KRIT1: variants seen among roughly 807,000 people sequenced by gnomAD.
KRIT1 encodes krev interaction trapped protein 1.
A neutral mutation model predicts 95.8 loss-of-function variants in KRIT1; 45 were observed. That is an observed-to-expected ratio of 0.47 (90% CI 0.37 to 0.60). The LOEUF (loss-of-function observed/expected upper bound fraction) is 0.60. Among genes scored for constraint, KRIT1 ranks in the 20% least tolerant of loss-of-function variants. The pLI is 0.00. For synonymous variants in KRIT1, 282 were observed against 278.8 expected, an observed-to-expected ratio of 1.01 and a Z score of -0.11; for missense variants, 788 against 877.5, an observed-to-expected ratio of 0.90 and a Z score of 1.29.
At chr7:92,243,310 G>C (rs1280086609) in intron 3 of KRIT1, among the ~76,000 whole-genome samples, 1 of 152,136 alleles carries the variant, frequency 6.6e-6, no homozygotes, top group Non-Finnish European at 1.5e-5. Flanking sequence ...CTACACTAAA[G>C]TGCATCTTTC....
rs1796241366 is a variant in KRIT1 at position 92,226,529 on chromosome 7, A to G, written c.1143T>C (p.Asp381=). 1.2e-6 allele frequency: 2 copies of G among 1,608,870 alleles called. No individual in the cohort carries two copies. Among genetic ancestry groups the G allele is most frequent in the Non-Finnish European group, 1.7e-6 (2 of 1,175,568 alleles). ...VQILLNHPET[D]RHITDQQGRS... ...AAAAACCTGGAAAATAACTTACTCT[A>G]TCCGTTTCTGGGTGGTTTAGGAGAA... The change falls in exon 11 of 19, where the codon GAT becomes GAC. Residue 381 remains aspartate (D), a synonymous_variant. Transcript: ENST00000394505.
chr7:92,217,326 CATTA>C (rs984607220), intron 14 of KRIT1, among the ~76,000 whole-genome samples: 2 of 152,268 alleles, frequency 1.3e-5, no homozygotes, highest in East Asian at 1.9e-4. Flanking sequence ...AATTCAGTGG[CATTA>C]ATTATGTTCA....
chr7:92,233,161 T>TACACACAC (rs139965359), intron 10 of KRIT1, among the ~76,000 whole-genome samples: 37 of 149,366 alleles, frequency 2.5e-4, no homozygotes, highest in Non-Finnish European at 4.9e-4. Context: ...GATCTTTTTA[T>TACACACAC]ACACACACAC....
rs2131318110 is a variant in KRIT1, at chr7:92,214,052, C to T, written c.1731-73G>A. ...CTAAAGTATAGTAATCATTCTGTTA[C>T]AAATGGCTTTCAGTAACGTAATTTT... On this transcript the variant is annotated intron_variant, in intron 15 of 18. Transcript: ENST00000394505. The T allele has an allele frequency of 3.2e-6, 3 of 926,220 alleles. No individual in the cohort carries two copies. In the East Asian group the frequency reaches 7.2e-5, roughly 22 times the overall value. 57.4% of individuals were successfully genotyped at this position (926,220 alleles called of 1,614,324 possible).
At chr7:92,223,477 C>A (rs1795586204) in intron 12 of KRIT1, among the ~76,000 whole-genome samples, 1 of 150,968 alleles carries the variant, frequency 6.6e-6, no homozygotes. Flanking sequence ...ACTTCCATTA[C>A]TTGTATTTTC....
At position 92,213,110 on chromosome 7, in the gene KRIT1, G is replaced by GC. The variant is rs1793231646; in HGVS notation, c.2025+84dup. 8 of 895,958 alleles carry GC rather than the reference G, an allele frequency of 8.9e-6. No homozygotes were observed. In the South Asian group the frequency reaches 1.1e-4, roughly 12 times the overall value. The allele number at this position is 895,958 out of a possible 1,614,324, so 55.5% of individuals were successfully genotyped here. A position where few individuals can be genotyped will look rare whatever the true frequency, so the allele number is the denominator to read the frequency against. ...TTGCAATGAACAGTCTTGTATATAT[G>GC]CCATTTCTAAATTCTTCATGTAGGT... On this transcript the variant is annotated intron_variant, in intron 17 of 18. Coordinates refer to ENST00000394505, the MANE Select transcript of KRIT1 (RefSeq NM_194454.3).
chr7:92,226,777 A>G lies in KRIT1; in HGVS notation c.990-95T>C, dbSNP rs539961581. 43 of 1,095,144 alleles carry G rather than the reference A, an allele frequency of 3.9e-5. No homozygotes were observed. In the South Asian group the frequency reaches 5.4e-4, roughly 14 times the overall value. 67.8% of individuals were successfully genotyped at this position (1,095,144 alleles called of 1,614,324 possible). A position where few individuals can be genotyped will look rare whatever the true frequency, so the allele number is the denominator to read the frequency against. ...TTTTTAAAAATCCAAATTTTAGATG[A>G]TATCTCAAAGAAATCTAAGAATTTT... On this transcript the variant is annotated intron_variant, in intron 10 of 18. Transcript: ENST00000394505.
chr7:92,216,376 T>C (rs1001139552), intron 14 of KRIT1, among the ~76,000 whole-genome samples: 10 of 150,698 alleles, frequency 6.6e-5, no homozygotes, highest in African/African-American at 1.7e-4. Context: ...AAAAATTTCA[T>C]GGGGAAAAAA....
At chr7:92,228,868 A>G (rs952400801) in intron 10 of KRIT1, among the ~76,000 whole-genome samples, 1 of 152,200 alleles carries the variant, frequency 6.6e-6, no homozygotes, top group Non-Finnish European at 1.5e-5. Flanking sequence ...TTAGTTTGCT[A>G]AAAATAATGG....
chr7:92,203,122 T>C (rs975045341), intron 17 of KRIT1, among the ~76,000 whole-genome samples: 4 of 152,226 alleles, frequency 2.6e-5, no homozygotes, highest in African/African-American at 7.2e-5. Context: ...TTATAGAAGG[T>C]AGAAACAACT....
chr7:92,223,391 T>C (rs2131466193), intron 12 of KRIT1, among the ~76,000 whole-genome samples: 1 of 144,754 alleles, frequency 6.9e-6, no homozygotes, highest in African/African-American at 2.6e-5. Context: ...TGCAGTGAGC[T>C]GAGATTGCGC....
intron 12 of KRIT1, among the ~76,000 whole-genome samples, chr7:92,223,273 C>CAAAAAAAAAAA (rs568078150): frequency 2.4e-5 from 1 of 42,110 alleles, no homozygotes; most frequent in African/African-American, 7.5e-5. Flanking sequence ...ACTAAAAATA[C>CAAAAAAAAAAA]AAAAAAAAAA....
Position 92,234,516 on chromosome 7 carries a change from G to A in KRIT1, c.922C>T (p.Leu308Phe). 1.2e-6 allele frequency: 2 copies of A among 1,611,872 alleles called. No homozygotes were observed. Among genetic ancestry groups the A allele is most frequent in the Non-Finnish European group, 1.7e-6 (2 of 1,177,946 alleles). The change falls in exon 10 of 19, where the codon CTC (leucine) becomes TTC (phenylalanine). Residue 308 changes from leucine to phenylalanine, a missense_variant. Around this residue, in one of 3 missense-constraint regions of KRIT1, gnomAD observed 493 missense variants for 582.3 expected, o/e 0.85. Coordinates refer to ENST00000394505, the MANE Select transcript of KRIT1 (RefSeq NM_194454.3). ...EGDSELLSRL[L>F]SERFSVNQLD... ...TGGTTGACTGAAAATCTTTCACTGA[G>A]AAGACGGCTTAGTAATTCTGAATCT...
intron 1 of KRIT1, chr7:92,245,520 G>T (rs565231755): frequency 6.6e-6 from 1 of 151,254 alleles, no homozygotes; most frequent in African/African-American, 2.4e-5. Flanking sequence ...GAAGGACACC[G>T]AGAGGTCCCA....
intron 14 of KRIT1, among the ~76,000 whole-genome samples, chr7:92,220,683 T>C (rs1035119103): frequency 1.3e-5 from 2 of 149,276 alleles, no homozygotes; most frequent in Non-Finnish European, 3.0e-5. Flanking sequence ...TGTCCATTCA[T>C]CCTTCTTTTT....
In KRIT1 at chr7:92,200,362, T is replaced by TC. The variant is rs1305335982; in HGVS notation, c.*373_*374insG. ...TATATGCCTTGTTGAAAGTAATTTT[T>TC]TTTTTTTTTTGAGATGGAGTCTTGC... On this transcript the variant is annotated 3_prime_UTR_variant, in exon 19 of 19. Transcript: ENST00000394505. The TC allele has an allele frequency of 2.4e-4, 63 of 262,926 alleles. No individual in the cohort carries two copies. The highest frequency in any genetic ancestry group is 1.3e-3 in the African/African-American group (59 of 44,776). 16.3% of individuals were successfully genotyped at this position (262,926 alleles called of 1,614,324 possible).
chr7:92,210,243 GA>G (rs1195879945), intron 17 of KRIT1, among the ~76,000 whole-genome samples: 2 of 151,746 alleles, frequency 1.3e-5, no homozygotes, highest in Admixed American at 1.3e-4. Flanking sequence ...CCAATAGTGA[GA>G]AAAAAAGAAC....
chr7:92,214,699 C>T lies in KRIT1; in HGVS notation c.1642G>A (p.Asp548Asn). The T allele has an allele frequency of 6.2e-7, 1 of 1,608,464 alleles. No homozygotes were observed. Among genetic ancestry groups the T allele is most frequent in the Non-Finnish European group, 8.5e-7 (1 of 1,174,966 alleles). ...CTTGCCAATGTTATCAGCTTAGCAT[C>T]AGGAGCTGTATAAAAGCCCTTCAAT... Reference protein sequence around the residue: ...NLLKGFYTAPDAKLITLASLL... With the variant: ...NLLKGFYTAPNAKLITLASLL... The change falls in exon 15 of 19, where the codon GAT becomes AAT. Residue 548 changes from aspartate to asparagine, a missense_variant. Asp to Asn is a conservative substitution (Grantham distance 23). This residue lies in a region of KRIT1 where 493 missense variants were observed against 582.3 expected (regional missense o/e 0.85). Transcript: ENST00000394505.
Position 92,227,779 on chromosome 7 carries a change from C to T in KRIT1, c.990-1097G>A, listed in dbSNP as rs187072038. 6.3e-3 allele frequency among the ~76,000 whole-genome samples: 954 copies of T among 150,728 alleles called. 6 individuals are homozygous for T. The highest frequency in any genetic ancestry group is 8.6e-3 in the Non-Finnish European group (582 of 67,558). ...CTATAATCCCAACACTTTGGGAGGCCGAGGTGGGTGGATCACAAGGTCAGG... is the reference window on the plus strand; with the variant it reads ...CTATAATCCCAACACTTTGGGAGGCTGAGGTGGGTGGATCACAAGGTCAGG... On this transcript the variant is annotated intron_variant, in intron 10 of 18. Coordinates refer to ENST00000394505, the MANE Select transcript of KRIT1 (RefSeq NM_194454.3).
Sources: gnomAD v4.1 joint callset for allele counts (sites outside exome capture counted in the v4.1 genomes callset) on GRCh38, gnomAD v4.1.1 for gene constraint, gnomAD v4.1.1 regional missense constraint, MANE v1.5 for transcripts, NCBI Gene and HGNC (gene_info 2026-07-23, HGNC 2026-07-21) for gene names.